TTC6: variants seen among roughly 807,000 people sequenced by gnomAD.
TTC6 encodes tetratricopeptide repeat protein 6.
Under a neutral mutation model 210.4 loss-of-function variants are expected in TTC6, and 172 were observed. The observed-to-expected ratio is 0.82, with a 90% CI of 0.72 to 0.93. TTC6 has a LOEUF of 0.93. Ranked by LOEUF, TTC6 falls within the 40% of genes least tolerant of loss-of-function variation. The pLI, the probability that TTC6 is intolerant of heterozygous loss-of-function variation, is 0.00. For synonymous variants in TTC6, 804 were observed against 819.6 expected (o/e 0.98, Z 0.32); for missense variants, 2,414 against 2,318.1 (o/e 1.04, Z -0.85).
At chr14:37,699,502 G>A (rs1035607441) in intron 4 of TTC6, among the ~76,000 whole-genome samples, 3 of 152,204 alleles carry the variant, frequency 2.0e-5, no homozygotes, top group Non-Finnish European at 4.4e-5. Flanking sequence ...GAAACATAGA[G>A]AAAGGAAGTT....
intron 1 of TTC6, among the ~76,000 whole-genome samples, chr14:37,660,957 A>G (rs1044085355): frequency 1.3e-5 from 2 of 152,110 alleles, no homozygotes; most frequent in Non-Finnish European, 2.9e-5. Flanking sequence ...CCTTTTTCAT[A>G]TGTTTGCTGG....
rs770420209 is a variant in TTC6, at chr14:37,823,824, T to C, written c.4841T>C (p.Val1614Ala). Reference sequence around the variant, plus strand: ...AACCCATGTTTTCTGGATGCTTATGTTGGACGGGGAAATTCTTACATGGAA... The same window carrying C: ...AACCCATGTTTTCTGGATGCTTATGCTGGACGGGGAAATTCTTACATGGAA... Residue 1614 changes from valine (V) to alanine (A), a missense_variant, in exon 27 of 31, where the codon GTT becomes GCT. Physicochemically the swap from Val to Ala is moderately conservative, Grantham distance 64 (BLOSUM62 0). Coordinates refer to ENST00000553443, the Ensembl canonical transcript of TTC6. 6 of 1,613,894 alleles carry C rather than the reference T, an allele frequency of 3.7e-6. No individual in the cohort carries two copies. The Admixed American group carries it at 1.0e-4, about 27-fold the overall frequency.
intron 7 of TTC6, among the ~76,000 whole-genome samples, chr14:37,730,598 C>G (rs961085458): frequency 3.9e-5 from 6 of 152,078 alleles, no homozygotes; most frequent in Non-Finnish European, 8.8e-5. Flanking sequence ...TTCCTTTCTT[C>G]TAATCATTTT....
chr14:37,743,513 C>A (rs2138980269), intron 10 of TTC6, among the ~76,000 whole-genome samples: 1 of 152,186 alleles, frequency 6.6e-6, no homozygotes, highest in Admixed American at 6.5e-5. Flanking sequence ...AAATAAGTCA[C>A]AATTAACATA....
intron 1 of TTC6, among the ~76,000 whole-genome samples, chr14:37,665,066 C>T (rs902432483): frequency 6.6e-6 from 1 of 150,530 alleles, no homozygotes; most frequent in African/African-American, 2.4e-5. Flanking sequence ...TAAATTAGTT[C>T]AACCATTGTG....
intron 14 of TTC6, among the ~76,000 whole-genome samples, chr14:37,771,235 C>G (rs933050473): frequency 1.2e-4 from 19 of 152,286 alleles, no homozygotes; most frequent in African/African-American, 2.6e-4. Flanking sequence ...CTGCACTTAA[C>G]ATTTTTTCCT....
exon 5 of TTC6, chr14:37,701,381 A>G (rs1330575320): frequency 7.2e-6 from 11 of 1,524,622 alleles, no homozygotes; most frequent in South Asian, 1.2e-5. Context: ...GTGCACCACC[A>G]TCCCAGCCCA....
chr14:37,674,302 G>T (rs533145754), intron 1 of TTC6, among the ~76,000 whole-genome samples: 2 of 151,994 alleles, frequency 1.3e-5, no homozygotes, highest in African/African-American at 4.8e-5. Flanking sequence ...GTATATTATA[G>T]TAGCCTCTTC....
chr14:37,714,377 A>G (rs531338077), intron 5 of TTC6, among the ~76,000 whole-genome samples: 2 of 151,686 alleles, frequency 1.3e-5, no homozygotes, highest in African/African-American at 4.8e-5. Context: ...TTTTTTTTTA[A>G]CCTCTTTTGC....
intron 1 of TTC6, 183 bp downstream of exon 1, chr14:37,596,191 C>T (rs1376995124): frequency 6.6e-6 from 1 of 152,420 alleles, no homozygotes; most frequent in Non-Finnish European, 1.5e-5. Flanking sequence ...GGCTCCTCCT[C>T]CCGCCCCCCT....
At chr14:37,650,617 T>G (rs1054893242) in intron 1 of TTC6, among the ~76,000 whole-genome samples, 11 of 152,318 alleles carry the variant, frequency 7.2e-5, no homozygotes, top group African/African-American at 2.6e-4. Flanking sequence ...CTCTAAAGCC[T>G]TTTTTGCTTA....
intron 15 of TTC6, among the ~76,000 whole-genome samples, chr14:37,790,010 CAGT>C (rs1444691729): frequency 4.6e-5 from 7 of 152,194 alleles, no homozygotes; most frequent in African/African-American, 1.7e-4. Context: ...AAGGGGCAAT[CAGT>C]AGGCGAGAGA....
intron 1 of TTC6, among the ~76,000 whole-genome samples, chr14:37,630,697 A>G (rs1348570142): frequency 3.3e-5 from 5 of 151,982 alleles, no homozygotes; most frequent in Non-Finnish European, 7.4e-5. Context: ...TTCTCCCACT[A>G]TTATTGTGTG....
At position 37,751,145 on chromosome 14, in the gene TTC6, AC is replaced by A; in HGVS notation, c.3050del (p.Thr1017LysfsTer15). On this transcript the variant is annotated frameshift_variant, in exon 13 of 31. Coordinates refer to ENST00000553443, the Ensembl canonical transcript of TTC6. LOFTEE classifies it high-confidence loss of function. ...TACCCAGGCAATTAAATCCACGCCC[AC>A]AGATGCTGATATCTATTTCAGGAGG... The A allele has an allele frequency of 6.5e-7, 1 of 1,533,458 alleles. No individual in the cohort carries two copies. The highest frequency in any genetic ancestry group is 1.2e-5 in the South Asian group (1 of 83,800). 95.0% of individuals were successfully genotyped at this position (1,533,458 alleles called of 1,614,324 possible).
intron 14 of TTC6, among the ~76,000 whole-genome samples, chr14:37,769,661 T>C (rs1325059219): frequency 6.6e-6 from 1 of 151,624 alleles, no homozygotes; most frequent in Non-Finnish European, 1.5e-5. Context: ...CCCTTTATCA[T>C]TTTTTATTGC....
exon 26 of TTC6, chr14:37,817,620 C>T (rs1268245458): frequency 6.2e-7 from 1 of 1,614,012 alleles, no homozygotes; most frequent in East Asian, 2.2e-5. Context: ...TAACGGGAGC[C>T]TTTGTCACGC....
chr14:37,622,451 G>A (rs2095652935), exon 1 of TTC6: 25 of 1,535,176 alleles, frequency 1.6e-5, no homozygotes, highest in African/African-American at 1.5e-4. Flanking sequence ...CGTTCCTACG[G>A]CACCAGGCCC....
chr14:37,696,713 A>G lies in TTC6; in HGVS notation c.1258-4A>G. The G allele has an allele frequency of 7.0e-7, 1 of 1,420,908 alleles. No homozygotes were observed. Among genetic ancestry groups the G allele is most frequent in the Non-Finnish European group, 9.2e-7 (1 of 1,083,876 alleles). The allele number at this position is 1,420,908 out of a possible 1,614,324, so 88.0% of individuals were successfully genotyped here. ...TTAACAGCACACTTTATATTTTCTT[A>G]AAGGCAAAATCACCAGAATTCTTGC... On this transcript the variant is annotated splice_polypyrimidine_tract_variant and splice_region_variant and intron_variant, in intron 3 of 30. Transcript: ENST00000553443.
intron 1 of TTC6, among the ~76,000 whole-genome samples, chr14:37,640,579 G>A (rs566889490): frequency 6.6e-6 from 1 of 152,100 alleles, no homozygotes; most frequent in African/African-American, 2.4e-5. Flanking sequence ...TTTTGCTTTT[G>A]TTGCCCAGGC....
Sources: gnomAD v4.1 joint callset for allele counts (sites outside exome capture counted in the v4.1 genomes callset) on GRCh38, gnomAD v4.1.1 for gene constraint, MANE v1.5 for transcripts, NCBI Gene and HGNC (gene_info 2026-07-23, HGNC 2026-07-21) for gene names.